Variants in ARHGAP32 observed in about 807,000 individuals in gnomAD.
The protein encoded by ARHGAP32 is rho GTPase-activating protein 32.
ARHGAP32 carries 51 observed loss-of-function variants against 186.5 expected under a neutral mutation model. The observed-to-expected ratio is 0.27, with a 90% CI of 0.22 to 0.35. The LOEUF (loss-of-function observed/expected upper bound fraction) is 0.35, where lower values mean the gene tolerates loss of function less well. ARHGAP32 is among the 10% of genes least tolerant of loss of function. The pLI, the probability that ARHGAP32 is intolerant of heterozygous loss-of-function variation, is 1.00. For missense variants in ARHGAP32, 2,186 were observed against 2,623.5 expected, an observed-to-expected ratio of 0.83 and a Z score of 3.64; for synonymous variants, 950 against 964.3, an observed-to-expected ratio of 0.99 and a Z score of 0.27.
At position 128,974,741 on chromosome 11, in the gene ARHGAP32, G is replaced by A. The variant is rs1233916039; in HGVS notation, c.2456C>T (p.Pro819Leu). ...FDPMSFQCSP[P>L]KAESECLESG... ...CTCCAGACATTCTGATTCGGCCTTA[G>A]GAGGACTACATTGAAATGACATTGG... Residue 819 changes from proline (P) to leucine (L), a missense_variant, in exon 21 of 23, where the codon CCT becomes CTT. Pro to Leu is a moderately conservative substitution (Grantham distance 98). This residue lies in a region of ARHGAP32 where 263 missense variants were observed against 323.5 expected (regional missense o/e 0.81). Coordinates refer to ENST00000682385, the MANE Select transcript of ARHGAP32 (RefSeq NM_001378024.1). The A allele has an allele frequency of 3.7e-6, 6 of 1,614,096 alleles. No homozygotes were observed.
chr11:129,265,957 T>C (rs1160787192), intron 1 of ARHGAP32, among the ~76,000 whole-genome samples: 2 of 152,154 alleles, frequency 1.3e-5, no homozygotes, highest in African/African-American at 2.4e-5. Context: ...CATCAATTGG[T>C]TGAATCTCAT....
intron 1 of ARHGAP32, among the ~76,000 whole-genome samples, chr11:129,237,562 G>A (rs933355779): frequency 1.3e-5 from 2 of 152,178 alleles, no homozygotes; most frequent in African/African-American, 2.4e-5. Flanking sequence ...CCTCTGTGAG[G>A]TGGGGACATG....
chr11:129,204,403 T>C lies in ARHGAP32; in HGVS notation c.-4-39976A>G, dbSNP rs117758349. The stretch of plus-strand genomic sequence containing the variant: ...CAGGAAGAGACTAGGATGAAATCAA[T>C]AGGGGTAAGGCTATGCAAAAAGAAA... On this transcript the variant is annotated intron_variant, in intron 1 of 6. Transcript: ENST00000525234. 8.8e-3 allele frequency among the ~76,000 whole-genome samples: 1,331 copies of C among 152,114 alleles called. 13 individuals carry two copies. The highest frequency in any genetic ancestry group is 0.01 in the Non-Finnish European group (686 of 67,988).
At chr11:129,192,383 G>C (rs921695128), upstream of ARHGAP32, among the ~76,000 whole-genome samples, 1 of 152,118 alleles carries the variant, frequency 6.6e-6, no homozygotes, top group South Asian at 2.1e-4. Context: ...CAGTCACTGC[G>C]TCTGACTGCC....
chr11:129,271,937 C>T (rs1382251299), intron 1 of ARHGAP32, among the ~76,000 whole-genome samples: 2 of 151,932 alleles, frequency 1.3e-5, no homozygotes, highest in Non-Finnish European at 2.9e-5. Flanking sequence ...GGGGTTCTGG[C>T]CTGCACAAGT....
At chr11:129,050,093 T>C (rs1939980885) in intron 10 of ARHGAP32, among the ~76,000 whole-genome samples, 1 of 152,230 alleles carries the variant, frequency 6.6e-6, no homozygotes, top group African/African-American at 2.4e-5. Context: ...AAGTGATGAC[T>C]TACTGAGTGT....
chr11:129,252,221 CTCAACTGTAG>C (rs1472662025), intron 1 of ARHGAP32, among the ~76,000 whole-genome samples: 1 of 152,128 alleles, frequency 6.6e-6, no homozygotes, highest in Non-Finnish European at 1.5e-5. Context: ...CAGCTTTACT[CTCAACTGTAG>C]TCGTGTCTAA....
At chr11:129,045,730 AT>A (rs1302223004) in intron 10 of ARHGAP32, among the ~76,000 whole-genome samples, 1 of 152,156 alleles carries the variant, frequency 6.6e-6, no homozygotes, top group Non-Finnish European at 1.5e-5. Flanking sequence ...AGCTGTGGCA[AT>A]TTCTAAAGCT....
chr11:128,985,937 G>GAA, intron 15 of ARHGAP32, 66 bp downstream of exon 15: 10 of 1,019,704 alleles, frequency 9.8e-6, no homozygotes, highest in Admixed American at 3.8e-5. Context: ...AAATCCAAAG[G>GAA]AAAAAAAAAC....
At chr11:129,026,110 A>C (rs2134928621) in intron 11 of ARHGAP32, among the ~76,000 whole-genome samples, 1 of 152,140 alleles carries the variant, frequency 6.6e-6, no homozygotes, top group South Asian at 2.1e-4. Context: ...AGTGCTGCCA[A>C]AGCTGGTGAA....
At chr11:129,236,300 T>A (rs897393894) in intron 1 of ARHGAP32, among the ~76,000 whole-genome samples, 3 of 152,184 alleles carry the variant, frequency 2.0e-5, no homozygotes, top group Admixed American at 6.6e-5. Context: ...TGGTTTTGAT[T>A]TGCATTTCTC....
intron 5 of ARHGAP32, among the ~76,000 whole-genome samples, chr11:129,094,032 A>T (rs1214771766): frequency 6.6e-6 from 1 of 152,138 alleles, no homozygotes; most frequent in Non-Finnish European, 1.5e-5. Context: ...TAGATTAAAA[A>T]CTGGCTGCAG....
At chr11:129,240,584 G>C (rs746367684) in intron 1 of ARHGAP32, among the ~76,000 whole-genome samples, 1 of 152,030 alleles carries the variant, frequency 6.6e-6, no homozygotes, top group Admixed American at 6.6e-5. Flanking sequence ...TTACTCTTGC[G>C]GGCCAAAGCT....
intron 5 of ARHGAP32, among the ~76,000 whole-genome samples, chr11:129,122,726 T>C (rs747799293): frequency 5.3e-5 from 8 of 152,064 alleles, no homozygotes; most frequent in Admixed American, 3.3e-4. Flanking sequence ...TCTCAGGAGT[T>C]TTCTTCTGGA....
intron 5 of ARHGAP32, among the ~76,000 whole-genome samples, chr11:129,117,745 T>C (rs935458053): frequency 1.3e-5 from 2 of 151,342 alleles, no homozygotes; most frequent in Admixed American, 6.6e-5. Context: ...ATAAAGAAAA[T>C]ACAAATCAAA....
At chr11:129,165,239 T>C (rs1191021168) in intron 1 of ARHGAP32, among the ~76,000 whole-genome samples, 1 of 151,904 alleles carries the variant, frequency 6.6e-6, no homozygotes, top group Non-Finnish European at 1.5e-5. Flanking sequence ...CTTACAAATA[T>C]GTAGGACAGG....
At chr11:129,277,630 A>C (rs1945548713) in intron 1 of ARHGAP32, among the ~76,000 whole-genome samples, 1 of 152,208 alleles carries the variant, frequency 6.6e-6, no homozygotes, top group Non-Finnish European at 1.5e-5. Flanking sequence ...TGCTATAGGG[A>C]CCACGGTACG....
intron 1 of ARHGAP32, among the ~76,000 whole-genome samples, chr11:129,210,881 A>C (rs540507686): frequency 6.6e-6 from 1 of 152,336 alleles, no homozygotes; most frequent in Admixed American, 6.5e-5. Context: ...GTGTATGTCC[A>C]GCTTAACACG....
intron 1 of ARHGAP32, among the ~76,000 whole-genome samples, chr11:129,198,641 T>C (rs2439799): frequency 0.62 from 95,001 of 152,026 alleles, 30,241 homozygotes; most frequent in Non-Finnish European, 0.7. Flanking sequence ...TCCCCATGCA[T>C]GTGGAACTGT....
Sources: allele counts gnomAD v4.1 joint callset (sites outside exome capture counted in the v4.1 genomes callset), GRCh38; gene constraint gnomAD v4.1.1; regional missense constraint gnomAD v4.1.1; transcripts MANE v1.5; gene names NCBI Gene and HGNC (gene_info 2026-07-23, HGNC 2026-07-21).